GALNT7: variants seen among roughly 807,000 people sequenced by gnomAD.
GALNT7 encodes the protein N-acetylgalactosaminyltransferase 7.
Under a neutral mutation model 82.1 loss-of-function variants are expected in GALNT7, and 60 were observed. The observed-to-expected ratio is 0.73, with a 90% CI of 0.59 to 0.91. The LOEUF is 0.91. Ranked by LOEUF, GALNT7 falls within the 40% of genes least tolerant of loss-of-function variation. The pLI is 0.00. For missense variants in GALNT7, 660 were observed against 804.2 expected, an observed-to-expected ratio of 0.82 and a Z score of 2.17; for synonymous variants, 243 against 275.1, an observed-to-expected ratio of 0.88 and a Z score of 1.15.
intron 1 of GALNT7, among the ~76,000 whole-genome samples, chr4:173,200,462 A>G (rs1732910764): frequency 6.6e-6 from 1 of 152,044 alleles, no homozygotes; most frequent in South Asian, 2.1e-4. Flanking sequence ...AAAAAAAAAA[A>G]GAATATCTCG....
intron 2 of GALNT7, among the ~76,000 whole-genome samples, chr4:173,252,902 T>G (rs964137693): frequency 6.6e-6 from 1 of 151,450 alleles, no homozygotes; most frequent in African/African-American, 2.4e-5. Context: ...TACAGGGGAG[T>G]CAGAAAAGGA....
chr4:173,219,487 T>C (rs984894982), intron 1 of GALNT7, among the ~76,000 whole-genome samples: 1 of 152,184 alleles, frequency 6.6e-6, no homozygotes, highest in Non-Finnish European at 1.5e-5. Context: ...TAATGACTTC[T>C]TTTCCTCTGG....
chr4:173,219,665 A>AT (rs934367664), intron 1 of GALNT7, among the ~76,000 whole-genome samples: 1 of 151,994 alleles, frequency 6.6e-6, no homozygotes, highest in Admixed American at 6.6e-5. Flanking sequence ...TTATTGTTTG[A>AT]TTTTTTTGAT....
At chr4:173,254,696 A>G (rs1734965437) in intron 2 of GALNT7, among the ~76,000 whole-genome samples, 2 of 152,132 alleles carry the variant, frequency 1.3e-5, no homozygotes, top group South Asian at 4.1e-4. Context: ...ATTGATGACA[A>G]TTTTTCACAC....
intron 9 of GALNT7, 175 bp from the exon 10 acceptor site, chr4:173,317,459 A>T (rs1039405234): frequency 5.4e-6 from 3 of 556,250 alleles, no homozygotes; most frequent in Non-Finnish European, 9.6e-6. Context: ...CTTCAAGACC[A>T]TAAGTTATTT....
At chr4:173,297,213 CTT>C (rs879456070) in intron 5 of GALNT7, among the ~76,000 whole-genome samples, 1 of 137,484 alleles carries the variant, frequency 7.3e-6, no homozygotes. Flanking sequence ...ATTTTTTTTG[CTT>C]TTTTTTTTTA....
At chr4:173,187,450 A>G (rs544267754) in intron 1 of GALNT7, among the ~76,000 whole-genome samples, 1 of 152,108 alleles carries the variant, frequency 6.6e-6, no homozygotes, top group Admixed American at 6.5e-5. Flanking sequence ...CACATTTGCA[A>G]AATTTTTTCA....
At chr4:173,216,628 C>T (rs1733471773) in intron 1 of GALNT7, among the ~76,000 whole-genome samples, 1 of 148,622 alleles carries the variant, frequency 6.7e-6, no homozygotes, top group African/African-American at 2.5e-5. Context: ...TGGTTGTGTT[C>T]CCCAGGTGTG....
intron 8 of GALNT7, among the ~76,000 whole-genome samples, chr4:173,312,708 T>C (rs1412909190): frequency 6.6e-6 from 1 of 152,248 alleles, no homozygotes; most frequent in African/African-American, 2.4e-5. Context: ...GCTAGATATT[T>C]GTCAGCTATC....
chr4:173,177,669 G>C (rs1292536293), intron 1 of GALNT7, among the ~76,000 whole-genome samples: 3 of 152,152 alleles, frequency 2.0e-5, no homozygotes, highest in Non-Finnish European at 4.4e-5. Flanking sequence ...AACAAATTCA[G>C]ATGTTAAAAT....
At chr4:173,234,127 G>A (rs537409245) in intron 1 of GALNT7, among the ~76,000 whole-genome samples, 1 of 152,232 alleles carries the variant, frequency 6.6e-6, no homozygotes, top group East Asian at 1.9e-4. Flanking sequence ...CCTGTGTCTT[G>A]AACACACTGT....
rs1197536548 is a variant in GALNT7 at position 173,292,002 on chromosome 4, C to T, written c.588-106C>T. The T allele has an allele frequency of 5.0e-5, 33 of 660,414 alleles. No homozygotes were observed. In the East Asian group the frequency reaches 6.8e-4, roughly 14 times the overall value. The allele number at this position is 660,414 out of a possible 1,614,324, so 40.9% of individuals were successfully genotyped here. On this transcript the variant is annotated intron_variant, in intron 2 of 11. Coordinates refer to ENST00000265000, the MANE Select transcript of GALNT7 (RefSeq NM_017423.3). This position sits in a 1 kb window ranked among gnomAD's most constrained non-coding sequence, Gnocchi z 4.8. ...TGAAGGCTATATTTCATTCACTTAC[C>T]GTAGTTAAGTCGATAGTATGTAATC...
chr4:173,288,213 G>A (rs970406808), intron 2 of GALNT7, among the ~76,000 whole-genome samples: 4 of 147,698 alleles, frequency 2.7e-5, no homozygotes, highest in Non-Finnish European at 4.4e-5. Context: ...AACCCGGGAG[G>A]CGGAGCTTGC....
intron 1 of GALNT7, among the ~76,000 whole-genome samples, chr4:173,203,992 C>T (rs1733018953): frequency 6.6e-6 from 1 of 152,158 alleles, no homozygotes; most frequent in Non-Finnish European, 1.5e-5. Context: ...GAAGAACTCC[C>T]TTTACTATTT....
intron 1 of GALNT7, among the ~76,000 whole-genome samples, chr4:173,233,133 T>C (rs1021989608): frequency 6.6e-6 from 1 of 152,238 alleles, no homozygotes; most frequent in African/African-American, 2.4e-5. Context: ...TATCCATTCA[T>C]CCACTGATGG....
chr4:173,226,754 A>G (rs895040394), intron 1 of GALNT7, among the ~76,000 whole-genome samples: 22 of 152,128 alleles, frequency 1.4e-4, no homozygotes, highest in African/African-American at 5.1e-4. Flanking sequence ...GGTCCCTTGT[A>G]TATGGGATTA....
chr4:173,313,823 G>T (rs897575699), intron 8 of GALNT7, 135 bp from the exon 9 acceptor site: 4 of 386,698 alleles, frequency 1.0e-5, no homozygotes, highest in African/African-American at 4.2e-5. Flanking sequence ...TGCATTTGTT[G>T]TTTAATTAAA....
chr4:173,262,488 A>G (rs1372450994), intron 2 of GALNT7, among the ~76,000 whole-genome samples: 1 of 152,124 alleles, frequency 6.6e-6, no homozygotes, highest in African/African-American at 2.4e-5. Flanking sequence ...GTCTCATTGG[A>G]AAGGCCTTAA....
chr4:173,269,038 A>G (rs926042052), intron 2 of GALNT7, among the ~76,000 whole-genome samples: 1 of 152,124 alleles, frequency 6.6e-6, no homozygotes, highest in Non-Finnish European at 1.5e-5. Context: ...AATGCCCAGT[A>G]CCCCATTATA....
Sources: gnomAD v4.1 joint callset for allele counts (sites outside exome capture counted in the v4.1 genomes callset) on GRCh38, gnomAD v4.1.1 for gene constraint, Gnocchi (gnomAD v3.1) non-coding constraint, MANE v1.5 for transcripts, NCBI Gene and HGNC (gene_info 2026-07-23, HGNC 2026-07-21) for gene names.